The following SOX5 variants were observed in gnomAD, a reference collection of about 807,000 sequenced individuals.
The protein encoded by SOX5 is transcription factor SOX-5.
Under a neutral mutation model 92.0 loss-of-function variants are expected in SOX5, and 9 were observed. The observed-to-expected ratio is 0.10, with a 90% CI of 0.06 to 0.17. The LOEUF (loss-of-function observed/expected upper bound fraction) is 0.17. SOX5 is among the 10% of genes least tolerant of loss of function. SOX5 has a pLI of 1.00. For missense variants in SOX5, 642 were observed against 944.5 expected (o/e 0.68, Z 4.20); for synonymous variants, 344 against 336.3 (o/e 1.02, Z -0.25).
chr12:23,734,609 A>T, intron 6 of SOX5, 75 bp downstream of exon 6: 1 of 1,071,714 alleles, frequency 9.3e-7, no homozygotes, highest in East Asian at 2.6e-5. Context: ...AGGTCATTTC[A>T]GTTAGGTATT....
intron 4 of SOX5, among the ~76,000 whole-genome samples, chr12:24,152,397 A>G (rs1209604770): frequency 6.6e-6 from 1 of 152,152 alleles, no homozygotes; most frequent in Non-Finnish European, 1.5e-5. Context: ...CATGACCCTC[A>G]GAGTGGGGTG....
At chr12:24,064,750 A>G (rs1047307107) in intron 4 of SOX5, among the ~76,000 whole-genome samples, 1 of 152,196 alleles carries the variant, frequency 6.6e-6, no homozygotes, top group African/African-American at 2.4e-5. Flanking sequence ...AGCTCAAAAA[A>G]TATTTCTTGA....
At chr12:24,360,760 C>T (rs1167641091) in intron 2 of SOX5, among the ~76,000 whole-genome samples, 3 of 152,146 alleles carry the variant, frequency 2.0e-5, no homozygotes, top group African/African-American at 7.2e-5. Context: ...TCGCAAGATC[C>T]AGACTGAGTG....
intron 3 of SOX5, among the ~76,000 whole-genome samples, chr12:23,823,177 T>C (rs1205290441): frequency 6.6e-6 from 1 of 152,218 alleles, no homozygotes; most frequent in Non-Finnish European, 1.5e-5. Context: ...GTTGGTTATT[T>C]TGCCTATTGT....
chr12:23,740,837 A>C (rs2093770124), intron 5 of SOX5, 30 bp downstream of exon 5: 1 of 1,582,818 alleles, frequency 6.3e-7, no homozygotes, highest in Admixed American at 1.7e-5. Context: ...ATGTCTGAGG[A>C]ATATGACTGC....
intron 3 of SOX5, among the ~76,000 whole-genome samples, chr12:24,247,809 C>A (rs1339529461): frequency 1.3e-5 from 2 of 151,714 alleles, no homozygotes; most frequent in Non-Finnish European, 2.9e-5. Flanking sequence ...CGCTACTACA[C>A]CTGGCTAATT....
At chr12:23,969,098 G>T (rs962403481) in intron 4 of SOX5, among the ~76,000 whole-genome samples, 19 of 151,944 alleles carry the variant, frequency 1.3e-4, no homozygotes, top group African/African-American at 4.6e-4. Context: ...AATTGTTTGG[G>T]CCAAAAACCT....
chr12:24,221,308 C>T (rs1284467019), intron 3 of SOX5, among the ~76,000 whole-genome samples: 1 of 152,160 alleles, frequency 6.6e-6, no homozygotes, highest in Non-Finnish European at 1.5e-5. Context: ...CCTTTCTTTC[C>T]TATATAGCAC....
intron 1 of SOX5, among the ~76,000 whole-genome samples, chr12:24,467,299 A>C (rs945458357): frequency 6.6e-5 from 10 of 152,206 alleles, no homozygotes; most frequent in African/African-American, 2.4e-5. Context: ...TATTAGCCCA[A>C]TATTTGAGCA....
chr12:24,431,157 T>A (rs1938234612), intron 1 of SOX5, among the ~76,000 whole-genome samples: 1 of 152,124 alleles, frequency 6.6e-6, no homozygotes, highest in African/African-American at 2.4e-5. Flanking sequence ...CTGCAAATGA[T>A]AAAACTGAGG....
intron 1 of SOX5, among the ~76,000 whole-genome samples, chr12:24,496,308 T>C (rs530344464): frequency 1.6e-4 from 25 of 152,316 alleles, no homozygotes; most frequent in Middle Eastern, 3.4e-3. Flanking sequence ...CCTGGAGACA[T>C]AGTTTGCCTC....
intron 2 of SOX5, among the ~76,000 whole-genome samples, chr12:23,857,735 CT>C (rs36116499): frequency 0.028 from 3,922 of 140,546 alleles, 133 homozygotes; most frequent in African/African-American, 0.086. Flanking sequence ...TTTTTTCTTT[CT>C]TTTTTTTTTT....
At chr12:23,542,190 C>T (rs999687598) in intron 13 of SOX5, among the ~76,000 whole-genome samples, 27 of 152,304 alleles carry the variant, frequency 1.8e-4, no homozygotes, top group African/African-American at 5.3e-4. Context: ...TTATAAACTC[C>T]GTGTAATTCC....
chr12:24,466,541 T>A (rs1348959107), intron 1 of SOX5, among the ~76,000 whole-genome samples: 1 of 152,204 alleles, frequency 6.6e-6, no homozygotes, highest in Non-Finnish European at 1.5e-5. Flanking sequence ...AGTTAGTTTC[T>A]ATTTAGGGGT....
intron 1 of SOX5, among the ~76,000 whole-genome samples, chr12:24,381,349 C>G (rs1957806041): frequency 6.6e-6 from 1 of 152,154 alleles, no homozygotes; most frequent in Admixed American, 6.5e-5. Context: ...AGCAAACTTT[C>G]AATTATACAG....
At chr12:24,005,863 C>G (rs1415724475) in intron 4 of SOX5, among the ~76,000 whole-genome samples, 1 of 152,144 alleles carries the variant, frequency 6.6e-6, no homozygotes, top group African/African-American at 2.4e-5. Flanking sequence ...GTTCCACTAG[C>G]TATACCATAT....
chr12:23,537,928 C>G (rs1056075195), intron 13 of SOX5, among the ~76,000 whole-genome samples: 1 of 142,834 alleles, frequency 7.0e-6, no homozygotes, highest in Admixed American at 7.3e-5. Context: ...TGCTGGCAGC[C>G]CTCAGTAGTA....
intron 2 of SOX5, among the ~76,000 whole-genome samples, chr12:23,856,423 A>G (rs528784903): frequency 6.6e-6 from 1 of 152,254 alleles, no homozygotes; most frequent in African/African-American, 2.4e-5. Context: ...TCTTAAAGGC[A>G]CTGTTGCAAA....
At chr12:24,309,385 C>T (rs144053776) in intron 2 of SOX5, among the ~76,000 whole-genome samples, 242 of 152,162 alleles carry the variant, frequency 1.6e-3, no homozygotes, top group Non-Finnish European at 2.8e-3. Flanking sequence ...ACACTTTTCA[C>T]GAAAAATGCT....
Sources: gnomAD v4.1 joint callset for allele counts (sites outside exome capture counted in the v4.1 genomes callset) on GRCh38, gnomAD v4.1.1 for gene constraint, MANE v1.5 for transcripts, NCBI Gene and HGNC (gene_info 2026-07-23, HGNC 2026-07-21) for gene names.